The following AKT3 variants were observed in gnomAD, a reference collection of about 807,000 sequenced individuals.
The protein encoded by AKT3 is RAC-gamma serine/threonine-protein kinase.
Under a neutral mutation model 65.3 loss-of-function variants are expected in AKT3, and 15 were observed. The observed-to-expected ratio is 0.23, with a 90% CI of 0.15 to 0.35. The LOEUF (loss-of-function observed/expected upper bound fraction) is 0.35, where lower values mean the gene tolerates loss of function less well. Among genes scored for constraint, AKT3 ranks in the 10% least tolerant of loss-of-function variants. The pLI is 1.00. For missense variants in AKT3, 243 were observed against 576.5 expected (o/e 0.42, Z 5.92); for synonymous variants, 206 against 183.8 (o/e 1.12, Z -0.98).
chr1:243,843,323 T>G, intron 1 of AKT3, 41 bp from the exon 2 acceptor site: 1 of 1,379,252 alleles, frequency 7.3e-7, no homozygotes, highest in Non-Finnish European at 9.4e-7. Flanking sequence ...TTTCCATTCT[T>G]GCAACTCACA....
chr1:243,772,439 C>T lies in AKT3; in HGVS notation c.46+70686G>A, dbSNP rs542586112. On this transcript the variant is annotated intron_variant, in intron 2 of 13. Transcript: ENST00000673466. The stretch of plus-strand genomic sequence containing the variant: ...CAGCCAAAAGACATATGAAAAAATG[C>T]TCTTCATCACTGGCCATCAGAGAAC... Among the ~76,000 whole-genome samples, 14 of 152,270 alleles carry T rather than the reference C, an allele frequency of 9.2e-5. No individual in the cohort carries two copies. In the East Asian group the frequency reaches 2.7e-3, roughly 29 times the overall value.
At chr1:243,526,862 G>GA (rs897924872) in intron 12 of AKT3, among the ~76,000 whole-genome samples, 18 of 101,820 alleles carry the variant, frequency 1.8e-4, no homozygotes, top group East Asian at 5.9e-4. Flanking sequence ...GGATCTTTAA[G>GA]AAAAAAAAAT....
chr1:243,603,644 C>G (rs1428901614), intron 8 of AKT3, among the ~76,000 whole-genome samples: 1 of 152,128 alleles, frequency 6.6e-6, no homozygotes, highest in African/African-American at 2.4e-5. Flanking sequence ...CTATTTGTAT[C>G]TCTGATTTAA....
chr1:243,733,838 G>A (rs928801642), intron 2 of AKT3, among the ~76,000 whole-genome samples: 2 of 152,184 alleles, frequency 1.3e-5, no homozygotes, highest in African/African-American at 4.8e-5. Context: ...TGGAAAAAAT[G>A]ACACAGATAG....
At chr1:243,722,971 T>C (rs1687001069) in intron 2 of AKT3, among the ~76,000 whole-genome samples, 1 of 152,214 alleles carries the variant, frequency 6.6e-6, no homozygotes. Flanking sequence ...TATGTTAATA[T>C]GTGTTTTAAT....
At chr1:243,781,916 G>A (rs1216737004) in intron 2 of AKT3, among the ~76,000 whole-genome samples, 1 of 152,134 alleles carries the variant, frequency 6.6e-6, no homozygotes, top group Non-Finnish European at 1.5e-5. Context: ...TCGACCTTCT[G>A]AGCCCAAGCA....
At chr1:243,569,924 T>C (rs1235175915) in intron 9 of AKT3, among the ~76,000 whole-genome samples, 1 of 152,204 alleles carries the variant, frequency 6.6e-6, no homozygotes, top group East Asian at 1.9e-4. Flanking sequence ...AAGAAGTCTT[T>C]GAAGAGATTT....
In AKT3 at chr1:243,569,185, C is replaced by T. The variant is rs984791943; in HGVS notation, c.819+3741G>A. ...TTACGGGCATCCAGTGCCAAAATGT[C>T]ACAAGCTAACCTGCAGAAACTGAAT... On this transcript the variant is annotated intron_variant, in intron 9 of 13. Transcript: ENST00000673466. Among the ~76,000 whole-genome samples the T allele has an allele frequency of 3.3e-4, 51 of 152,328 alleles. 1 individual carries two copies. Among genetic ancestry groups the T allele is most frequent in the African/African-American group, 1.2e-3 (48 of 41,578 alleles).
chr1:243,689,421 A>T (rs903880827), intron 3 of AKT3, among the ~76,000 whole-genome samples: 3 of 151,794 alleles, frequency 2.0e-5, no homozygotes, highest in Admixed American at 2.0e-4. Flanking sequence ...TAGAAGTATT[A>T]ATAGGAATCA....
chr1:243,770,549 C>T lies in AKT3; in HGVS notation c.46+72576G>A, dbSNP rs548424964. Among the ~76,000 whole-genome samples the T allele has an allele frequency of 5.3e-5, 8 of 152,038 alleles. No homozygotes were observed. In the East Asian group the frequency reaches 1.5e-3, roughly 29 times the overall value. ...ATGTATATGAGAAGACAGAGATAGG[C>T]ATGTATATGTAAGCTCAATCAGAGT... On this transcript the variant is annotated intron_variant, in intron 2 of 13. Transcript: ENST00000673466.
At chr1:243,771,911 C>A (rs923882003) in intron 2 of AKT3, among the ~76,000 whole-genome samples, 4 of 152,130 alleles carry the variant, frequency 2.6e-5, no homozygotes, top group Non-Finnish European at 4.4e-5. Context: ...TGATCTTTGA[C>A]AAACCTGACA....
intron 3 of AKT3, among the ~76,000 whole-genome samples, chr1:243,691,780 TA>T (rs1684706907): frequency 6.6e-6 from 1 of 152,054 alleles, no homozygotes; most frequent in Admixed American, 6.6e-5. Flanking sequence ...TTGAACAGAG[TA>T]ACCTAATGCT....
chr1:243,839,258 A>G (rs1400634024), intron 2 of AKT3, among the ~76,000 whole-genome samples: 1 of 152,210 alleles, frequency 6.6e-6, no homozygotes, highest in Non-Finnish European at 1.5e-5. Flanking sequence ...CACTAGCTAT[A>G]AGGGAAAAAA....
In AKT3 at chr1:243,698,630, C is replaced by T. The variant is rs991998258; in HGVS notation, c.47-2914G>A. On this transcript the variant is annotated intron_variant, in intron 2 of 13. Coordinates refer to ENST00000673466, the MANE Select transcript of AKT3 (RefSeq NM_005465.7). ...TATTATGCATCCTTCAAACGTAATACAGTATACCAAGATAGTGATGTACTC... is the reference window on the plus strand; with the variant it reads ...TATTATGCATCCTTCAAACGTAATATAGTATACCAAGATAGTGATGTACTC... Among the ~76,000 whole-genome samples the T allele has an allele frequency of 8.6e-4, 131 of 152,064 alleles. 2 individuals are homozygous for T. Among genetic ancestry groups the T allele is most frequent in the Admixed American group, 8.6e-3 (131 of 15,260 alleles).
chr1:243,664,353 C>A (rs896228594), intron 4 of AKT3, among the ~76,000 whole-genome samples: 1 of 151,336 alleles, frequency 6.6e-6, no homozygotes, highest in African/African-American at 2.4e-5. Context: ...CCCGCCACCA[C>A]GCCTGGCTGA....
chr1:243,760,894 A>G (rs896197701), intron 2 of AKT3, among the ~76,000 whole-genome samples: 3 of 152,162 alleles, frequency 2.0e-5, no homozygotes, highest in African/African-American at 7.2e-5. Context: ...CATGAGTTCA[A>G]TGTTAATTAA....
At chr1:243,630,878 T>C (rs901974725) in intron 6 of AKT3, among the ~76,000 whole-genome samples, 9 of 152,248 alleles carry the variant, frequency 5.9e-5, no homozygotes, top group Non-Finnish European at 8.8e-5. Context: ...GACAATCAAA[T>C]AGTATGGTCA....
chr1:243,519,167 C>G (rs1159191043), intron 12 of AKT3, among the ~76,000 whole-genome samples: 1 of 152,188 alleles, frequency 6.6e-6, no homozygotes, highest in African/African-American at 2.4e-5. Context: ...TTCAAAAGGA[C>G]CAATGATTAA....
chr1:243,495,515 C>T (rs1667604927), downstream of AKT3, among the ~76,000 whole-genome samples: 1 of 152,212 alleles, frequency 6.6e-6, no homozygotes, highest in Non-Finnish European at 1.5e-5. Context: ...CTGCGATGGC[C>T]TTAACCGTGA....
Sources: allele counts gnomAD v4.1 joint callset (sites outside exome capture counted in the v4.1 genomes callset), GRCh38; gene constraint gnomAD v4.1.1; transcripts MANE v1.5; gene names NCBI Gene and HGNC (gene_info 2026-07-23, HGNC 2026-07-21).